The following SDK1 variants were observed in gnomAD, a reference collection of about 807,000 sequenced individuals.
The protein encoded by SDK1 is sidekick cell adhesion molecule 1, also known as protein sidekick-1.
SDK1 carries 157 observed loss-of-function variants against 245.5 expected under a neutral mutation model. The observed-to-expected ratio is 0.64, with a 90% CI of 0.56 to 0.73. The LOEUF (loss-of-function observed/expected upper bound fraction) is 0.73. Ranked by LOEUF, SDK1 falls within the 30% of genes least tolerant of loss-of-function variation. The pLI is 0.00. For synonymous variants in SDK1, 1,647 were observed against 1,278.5 expected, an observed-to-expected ratio of 1.29 and a Z score of -6.15; for missense variants, 3,583 against 3,002.3, an observed-to-expected ratio of 1.19 and a Z score of -4.52.
At chr7:3,989,684 G>C (rs1784150543) in intron 14 of SDK1, among the ~76,000 whole-genome samples, 1 of 152,108 alleles carries the variant, frequency 6.6e-6, no homozygotes, top group Non-Finnish European at 1.5e-5. Flanking sequence ...TCACTTTTCT[G>C]GGCAGATTCA....
chr7:4,116,424 G>T (rs555743436), intron 25 of SDK1, among the ~76,000 whole-genome samples: 1 of 152,178 alleles, frequency 6.6e-6, no homozygotes, highest in Admixed American at 6.5e-5. Context: ...GCATCTGCAC[G>T]TGCCACCCGC....
chr7:3,775,193 C>T (rs896013777), intron 4 of SDK1, among the ~76,000 whole-genome samples: 5 of 152,160 alleles, frequency 3.3e-5, no homozygotes, highest in Non-Finnish European at 7.4e-5. Context: ...AAATTAGAAG[C>T]TTAGAAATAG....
At chr7:4,167,035 A>G (rs1287903320) in intron 32 of SDK1, among the ~76,000 whole-genome samples, 1 of 152,138 alleles carries the variant, frequency 6.6e-6, no homozygotes, top group Non-Finnish European at 1.5e-5. Flanking sequence ...TCTTCCCCAG[A>G]CCATTGACTT....
At chr7:3,941,516 G>T (rs185528208) in intron 5 of SDK1, among the ~76,000 whole-genome samples, 1 of 151,662 alleles carries the variant, frequency 6.6e-6, no homozygotes, top group Non-Finnish European at 1.5e-5. Context: ...TGGGCCAAAC[G>T]GGTTCCCTCC....
intron 1 of SDK1, among the ~76,000 whole-genome samples, chr7:3,526,004 C>A (rs1284970998): frequency 6.6e-6 from 1 of 152,096 alleles, no homozygotes; most frequent in Non-Finnish European, 1.5e-5. Flanking sequence ...GAGGCTGAGG[C>A]AGGTGGAATC....
At chr7:3,414,340 A>G (rs989705929) in intron 1 of SDK1, among the ~76,000 whole-genome samples, 4 of 151,950 alleles carry the variant, frequency 2.6e-5, no homozygotes, top group South Asian at 4.2e-4. Flanking sequence ...GGAGGAGGAG[A>G]GTGCTGGGTT....
chr7:4,082,844 C>A (rs763496892), intron 22 of SDK1, among the ~76,000 whole-genome samples: 3 of 152,030 alleles, frequency 2.0e-5, no homozygotes, highest in Non-Finnish European at 4.4e-5. Flanking sequence ...TGGTCTCGAA[C>A]TCCTGAGTTC....
intron 5 of SDK1, among the ~76,000 whole-genome samples, chr7:3,831,616 G>A (rs1478267715): frequency 6.6e-6 from 1 of 152,034 alleles, no homozygotes; most frequent in Non-Finnish European, 1.5e-5. Context: ...ATATCCTATG[G>A]TTTAACTTCA....
intron 27 of SDK1, among the ~76,000 whole-genome samples, chr7:4,131,341 G>A (rs1248213544): frequency 1.3e-5 from 2 of 152,166 alleles, no homozygotes; most frequent in African/African-American, 4.8e-5. Context: ...AGGGCTCAGG[G>A]GAGCAACGCT....
intron 4 of SDK1, among the ~76,000 whole-genome samples, chr7:3,730,142 T>C (rs1427536786): frequency 6.6e-6 from 1 of 152,148 alleles, no homozygotes; most frequent in Non-Finnish European, 1.5e-5. Flanking sequence ...CCATTGCTGA[T>C]GAGGATCCCT....
At chr7:3,803,102 C>A (rs1461918475) in intron 4 of SDK1, among the ~76,000 whole-genome samples, 1 of 152,140 alleles carries the variant, frequency 6.6e-6, no homozygotes, top group Non-Finnish European at 1.5e-5. Flanking sequence ...TATGAGAGCT[C>A]CAGTTTCTCT....
At chr7:3,426,909 C>T (rs1375362648) in intron 1 of SDK1, among the ~76,000 whole-genome samples, 1 of 152,230 alleles carries the variant, frequency 6.6e-6, no homozygotes, top group Non-Finnish European at 1.5e-5. Context: ...TAACTTTCAG[C>T]ATTAAAGGCA....
chr7:4,220,078 C>A, intron 38 of SDK1, 31 bp from the exon 39 acceptor site: 9 of 1,606,604 alleles, frequency 5.6e-6, no homozygotes, highest in Non-Finnish European at 7.7e-6. Context: ...AGGCTGAACC[C>A]CCTTGTTTCC....
At chr7:3,555,579 A>C (rs1779562479) in intron 1 of SDK1, among the ~76,000 whole-genome samples, 1 of 152,210 alleles carries the variant, frequency 6.6e-6, no homozygotes. Flanking sequence ...AAATGAGATC[A>C]CATGAAGTTA....
At chr7:3,730,254 T>C (rs970826014) in intron 4 of SDK1, among the ~76,000 whole-genome samples, 10 of 152,180 alleles carry the variant, frequency 6.6e-5, no homozygotes, top group African/African-American at 1.9e-4. Flanking sequence ...TGCCCACTTA[T>C]TAAATTTCTG....
At chr7:3,348,385 G>T (rs192162412) in intron 1 of SDK1, among the ~76,000 whole-genome samples, 1 of 152,266 alleles carries the variant, frequency 6.6e-6, no homozygotes, top group African/African-American at 2.4e-5. Flanking sequence ...GCCATAAAAA[G>T]GAACAAAATC....
chr7:3,671,706 A>G (rs1783706485), intron 4 of SDK1, among the ~76,000 whole-genome samples: 1 of 152,118 alleles, frequency 6.6e-6, no homozygotes, highest in African/African-American at 2.4e-5. Flanking sequence ...ATTCAGTACA[A>G]AATAATCCCT....
At chr7:4,174,414 T>C (rs600537) in intron 33 of SDK1, 57 bp downstream of exon 33, 1,029,563 of 1,574,646 alleles carry the variant, frequency 0.65, 338,249 homozygotes, top group East Asian at 0.76. Context: ...GGACCCTTGG[T>C]ATCTGCTCAG....
In SDK1 at chr7:4,067,821, T is replaced by G. The variant is rs778897690; in HGVS notation, c.2912-17T>G. 3 of 1,599,098 alleles carry G rather than the reference T, an allele frequency of 1.9e-6. No homozygotes were observed. Among genetic ancestry groups the G allele is most frequent in the Non-Finnish European group, 2.6e-6 (3 of 1,169,558 alleles). ...TGGGCTATTGTGTTAACAGATGACT[T>G]TGCTTTTAATTGGTAGAACCAGGAG... On this transcript the variant is annotated splice_polypyrimidine_tract_variant and intron_variant, in intron 19 of 44. Coordinates refer to ENST00000404826, the MANE Select transcript of SDK1 (RefSeq NM_152744.4).
Sources: allele counts gnomAD v4.1 joint callset (sites outside exome capture counted in the v4.1 genomes callset), GRCh38; gene constraint gnomAD v4.1.1; transcripts MANE v1.5; gene names NCBI Gene and HGNC (gene_info 2026-07-23, HGNC 2026-07-21).